Variants in CDC42SE2 observed in about 807,000 individuals in gnomAD.
CDC42SE2 encodes the protein CDC42 small effector 2.
A neutral mutation model predicts 11.5 loss-of-function variants in CDC42SE2; 3 were observed. The observed-to-expected ratio is 0.26, with a 90% CI of 0.12 to 0.67. CDC42SE2 has a LOEUF of 0.67. Among genes scored for constraint, CDC42SE2 ranks in the 30% least tolerant of loss-of-function variants. The pLI is 0.80. For synonymous variants in CDC42SE2, 33 were observed against 34.8 expected (o/e 0.95, Z 0.18); for missense variants, 82 against 106.8 (o/e 0.77, Z 1.02).
intron 1 of CDC42SE2, among the ~76,000 whole-genome samples, chr5:131,279,604 A>G (rs1275675626): frequency 6.6e-6 from 1 of 152,040 alleles, no homozygotes; most frequent in Non-Finnish European, 1.5e-5. Context: ...TTACAAATCA[A>G]TGAAATGGTG....
the CDC42SE2 span, among the ~76,000 whole-genome samples, chr5:131,238,515 A>T: frequency 1.3e-5 from 2 of 151,606 alleles, no homozygotes; most frequent in Non-Finnish European, 2.9e-5. Context: ...AAAAAAAAAA[A>T]AAAAGTGATG....
intron 2 of CDC42SE2, among the ~76,000 whole-genome samples, chr5:131,338,796 C>A (rs144197444): frequency 4.4e-4 from 67 of 152,222 alleles, no homozygotes; most frequent in South Asian, 1.2e-3. Flanking sequence ...TACTGCCGAT[C>A]CAAATATGTA....
At chr5:131,243,828 A>C (rs1756558713), upstream of CDC42SE2, among the ~76,000 whole-genome samples, 2 of 152,210 alleles carry the variant, frequency 1.3e-5, no homozygotes, top group Non-Finnish European at 2.9e-5. Flanking sequence ...GAATTGTCTG[A>C]GCTGAAATTC....
chr5:131,252,392 G>A (rs1254013581), intron 1 of CDC42SE2, among the ~76,000 whole-genome samples: 5 of 152,188 alleles, frequency 3.3e-5, no homozygotes, highest in African/African-American at 1.2e-4. Flanking sequence ...GGTGGCTCAC[G>A]CCTGTAATCC....
At chr5:131,363,272 A>G (rs935641262) in intron 3 of CDC42SE2, among the ~76,000 whole-genome samples, 2 of 152,070 alleles carry the variant, frequency 1.3e-5, no homozygotes, top group African/African-American at 4.8e-5. Flanking sequence ...TACAGAAAAA[A>G]AAAAAAAAGC....
upstream of CDC42SE2, among the ~76,000 whole-genome samples, chr5:131,242,640 G>A (rs966189826): frequency 2.6e-5 from 4 of 152,000 alleles, no homozygotes; most frequent in African/African-American, 9.7e-5. Flanking sequence ...CCACCTATAC[G>A]ACAGGAGCTA....
intron 3 of CDC42SE2, among the ~76,000 whole-genome samples, chr5:131,370,213 T>C (rs42256): frequency 0.43 from 65,202 of 152,046 alleles, 17,918 homozygotes; most frequent in African/African-American, 0.78. Flanking sequence ...ATTTTATTAT[T>C]GTTGTTATGA....
chr5:131,376,221 G>A (rs1041360688), intron 3 of CDC42SE2, among the ~76,000 whole-genome samples: 12 of 114,704 alleles, frequency 1.0e-4, no homozygotes, highest in Admixed American at 3.9e-4. Flanking sequence ...CCTGGGTGAC[G>A]AATGACTCTT....
At chr5:131,310,546 G>A (rs1413389133) in intron 1 of CDC42SE2, among the ~76,000 whole-genome samples, 5 of 151,734 alleles carry the variant, frequency 3.3e-5, no homozygotes, top group Non-Finnish European at 5.9e-5. Flanking sequence ...TGACAGTGGG[G>A]TGTTAAAATC....
chr5:131,274,669 G>T (rs1373231154), intron 1 of CDC42SE2, among the ~76,000 whole-genome samples: 2 of 152,114 alleles, frequency 1.3e-5, no homozygotes, highest in Non-Finnish European at 2.9e-5. Context: ...TATTCAAGAA[G>T]TCTTGACCCT....
Position 131,281,684 on chromosome 5 carries a change from G to A in CDC42SE2, c.-455+17518G>A, listed in dbSNP as rs1003906511. Among the ~76,000 whole-genome samples, 15 of 152,174 alleles carry A rather than the reference G, an allele frequency of 9.9e-5. 1 individual carries two copies. The South Asian group carries it at 2.5e-3, about 25-fold the overall frequency. ...AGTCACACAGTAAGTGGCAGAACAAGTATTCAAAGTCTTGCCTGATTTTCC... is the reference window on the plus strand; with the variant it reads ...AGTCACACAGTAAGTGGCAGAACAAATATTCAAAGTCTTGCCTGATTTTCC... On this transcript the variant is annotated intron_variant, in intron 1 of 4. Transcript: ENST00000505065.
At chr5:131,351,860 G>T (rs1162201358) in intron 2 of CDC42SE2, among the ~76,000 whole-genome samples, 1 of 152,096 alleles carries the variant, frequency 6.6e-6, no homozygotes, top group African/African-American at 2.4e-5. Context: ...TTAACTCTTC[G>T]AAAGATGTTG....
intron 2 of CDC42SE2, among the ~76,000 whole-genome samples, chr5:131,340,359 C>G (rs1293280315): frequency 6.6e-6 from 1 of 152,110 alleles, no homozygotes; most frequent in Non-Finnish European, 1.5e-5. Flanking sequence ...TGTATCTACT[C>G]TATATGCTAC....
chr5:131,381,811 C>T (rs1482600751), intron 3 of CDC42SE2, among the ~76,000 whole-genome samples: 1 of 152,242 alleles, frequency 6.6e-6, no homozygotes, highest in East Asian at 1.9e-4. Context: ...TATTCCTCTG[C>T]TTTAAAACAC....
chr5:131,321,186 A>G (rs1443484103), intron 2 of CDC42SE2, among the ~76,000 whole-genome samples: 2 of 152,182 alleles, frequency 1.3e-5, no homozygotes, highest in African/African-American at 2.4e-5. Flanking sequence ...TTATGGTTAA[A>G]TTCTGTAGCT....
chr5:131,289,141 T>C (rs2149707837), intron 1 of CDC42SE2, among the ~76,000 whole-genome samples: 1 of 152,338 alleles, frequency 6.6e-6, no homozygotes, highest in African/African-American at 2.4e-5. Flanking sequence ...TATATGTTTT[T>C]ACATAATGTA....
intron 2 of CDC42SE2, among the ~76,000 whole-genome samples, chr5:131,347,486 C>T (rs528180061): frequency 1.3e-5 from 2 of 152,244 alleles, no homozygotes; most frequent in Admixed American, 6.5e-5. Context: ...ATAACAGGCT[C>T]TGAAATTGAG....
At chr5:131,333,177 T>C (rs1758463946) in intron 2 of CDC42SE2, among the ~76,000 whole-genome samples, 1 of 152,248 alleles carries the variant, frequency 6.6e-6, no homozygotes, top group Non-Finnish European at 1.5e-5. Context: ...GTTTCAGCTT[T>C]CTACGTATGG....
chr5:131,248,285 G>T (rs1436747540), intron 1 of CDC42SE2, among the ~76,000 whole-genome samples: 1 of 151,890 alleles, frequency 6.6e-6, no homozygotes, highest in South Asian at 2.1e-4. Context: ...GACTGCAGGC[G>T]CATGCCACCA....
Sources: gnomAD v4.1 joint callset for allele counts (sites outside exome capture counted in the v4.1 genomes callset) on GRCh38, gnomAD v4.1.1 for gene constraint, MANE v1.5 for transcripts, NCBI Gene and HGNC (gene_info 2026-07-23, HGNC 2026-07-21) for gene names.